Variants in MOB3A observed in about 807,000 individuals in gnomAD.
MOB3A encodes the protein MOB kinase activator 3A, also known as MOB LAK.
A neutral mutation model predicts 17.8 loss-of-function variants in MOB3A; 17 were observed. The observed-to-expected ratio is 0.95, with a 90% CI of 0.65 to 1.43. The LOEUF is 1.43. MOB3A is among the 40% of genes most tolerant of loss of function. The pLI, the probability that MOB3A is intolerant of heterozygous loss-of-function variation, is 0.00. For synonymous variants in MOB3A, 124 were observed against 133.2 expected, an observed-to-expected ratio of 0.93 and a Z score of 0.48; for missense variants, 333 against 310.8, an observed-to-expected ratio of 1.07 and a Z score of -0.54.
In MOB3A at chr19:2,082,842, C is replaced by T. The variant is rs1047556614; in HGVS notation, c.-120+2333G>A. Among the ~76,000 whole-genome samples, 4 of 152,186 alleles carry T rather than the reference C, an allele frequency of 2.6e-5. No homozygotes were observed. Among genetic ancestry groups the T allele is most frequent in the East Asian group, 1.9e-4 (1 of 5,202 alleles). Reference sequence around the variant, plus strand: ...TCTTCCATTTTTAGAGACAGGTTCTCGCTCTGCTGCTCAGGCTAGAGTGCA... The same window carrying T: ...TCTTCCATTTTTAGAGACAGGTTCTTGCTCTGCTGCTCAGGCTAGAGTGCA... On this transcript the variant is annotated intron_variant, in intron 2 of 4. Coordinates refer to ENST00000357066, the MANE Select transcript of MOB3A (RefSeq NM_130807.3). The surrounding 1 kb of genome is among the most constrained non-coding windows in gnomAD (Gnocchi z 4.1).
At chr19:2,096,097 G>A (rs2017688588) in intron 1 of MOB3A, 129 bp downstream of exon 1, 1 of 152,520 alleles carries the variant, frequency 6.6e-6, no homozygotes, top group East Asian at 2.0e-4. Flanking sequence ...CCGTCTGAGG[G>A]ATCCAGCTTC....
At chr19:2,083,456 A>G (rs1309233434) in intron 2 of MOB3A, among the ~76,000 whole-genome samples, 1 of 152,160 alleles carries the variant, frequency 6.6e-6, no homozygotes, top group Non-Finnish European at 1.5e-5. Flanking sequence ...AGAAGGGAAA[A>G]TGCCGGCCAC....
chr19:2,087,992 C>T (rs2017572565), intron 1 of MOB3A, among the ~76,000 whole-genome samples: 1 of 152,194 alleles, frequency 6.6e-6, no homozygotes, highest in Non-Finnish European at 1.5e-5. Flanking sequence ...GCCAGGGGCC[C>T]ACCCCAGTCT....
Position 2,078,492 on chromosome 19 carries a change from C to T in MOB3A, c.69G>A (p.Glu23=), listed in dbSNP as rs10421450. 0.019 allele frequency: 29,761 copies of T among 1,607,304 alleles called. 549 individuals carry two copies. Among genetic ancestry groups the T allele is most frequent in the African/African-American group, 0.082 (6,127 of 74,848 alleles). The change falls in exon 3 of 5, where the codon GAG becomes GAA. Residue 23 remains glutamate (E), a synonymous_variant. Transcript: ENST00000357066. The part of the protein sequence containing the change: ...DKTFRPKRKF[E]PGTQRFELHK... ...GCAGCTCGAAGCGCTGGGTGCCTGG[C>T]TCAAACTTGCGCTTGGGGCGGAATG...
At chr19:2,086,885 G>A (rs536901119) in intron 1 of MOB3A, among the ~76,000 whole-genome samples, 7 of 152,156 alleles carry the variant, frequency 4.6e-5, no homozygotes, top group South Asian at 4.1e-4. Flanking sequence ...TTGACCTCCC[G>A]GGCTCAAGTG....
At position 2,076,722 on chromosome 19, in the gene MOB3A, C is replaced by T. The variant is rs1374757989; in HGVS notation, c.624+89G>A. 2.2e-6 allele frequency: 3 copies of T among 1,372,792 alleles called. No homozygotes were observed. In the East Asian group the frequency reaches 7.4e-5, roughly 34 times the overall value. 85.0% of individuals were successfully genotyped at this position (1,372,792 alleles called of 1,614,324 possible). ...CGCCAGCTGCTGGGCCGACCGCAAG[C>T]AGTCAGGGTCCTGGCCCCGGAAGGG... On this transcript the variant is annotated intron_variant, in intron 4 of 4. Coordinates refer to ENST00000357066, the MANE Select transcript of MOB3A (RefSeq NM_130807.3).
At chr19:2,088,892 G>A (rs111865283) in intron 1 of MOB3A, among the ~76,000 whole-genome samples, 2 of 152,118 alleles carry the variant, frequency 1.3e-5, no homozygotes, top group Admixed American at 6.6e-5. Context: ...CATGAGCCAC[G>A]GAGCCTGGCT....
intron 1 of MOB3A, among the ~76,000 whole-genome samples, chr19:2,088,461 A>T (rs773551534): frequency 2.0e-5 from 3 of 151,410 alleles, no homozygotes; most frequent in Non-Finnish European, 4.4e-5. Flanking sequence ...GCGTCCAGAT[A>T]ATTTTTCTAT....
At chr19:2,078,802 C>T (rs373035600) in intron 2 of MOB3A, 123 bp from the exon 3 acceptor site, 40 of 463,616 alleles carry the variant, frequency 8.6e-5, no homozygotes, top group South Asian at 1.7e-4. Flanking sequence ...TCTGTTGCCC[C>T]GGCTGGAGTA....
intron 1 of MOB3A, among the ~76,000 whole-genome samples, chr19:2,089,530 T>C (rs77313974): frequency 0.012 from 1,866 of 151,736 alleles, 32 homozygotes; most frequent in African/African-American, 0.043. Flanking sequence ...CTTGGCCCAG[T>C]GTCCCCTGGG....
At chr19:2,088,096 A>T (rs1440286686) in intron 1 of MOB3A, among the ~76,000 whole-genome samples, 1 of 152,094 alleles carries the variant, frequency 6.6e-6, no homozygotes, top group Non-Finnish European at 1.5e-5. Flanking sequence ...GGGGACTCAT[A>T]CTGGGTGATG....
intron 4 of MOB3A, among the ~76,000 whole-genome samples, chr19:2,074,463 A>T (rs1379661595): frequency 6.6e-6 from 1 of 152,200 alleles, no homozygotes; most frequent in Non-Finnish European, 1.5e-5. Context: ...TGAGTATGCA[A>T]CTATTAATTT....
intron 2 of MOB3A, among the ~76,000 whole-genome samples, chr19:2,081,686 C>A (rs2017492134): frequency 6.6e-6 from 1 of 151,972 alleles, no homozygotes; most frequent in Non-Finnish European, 1.5e-5. Context: ...GAGTTCAAGA[C>A]CAGCCTGACC....
In MOB3A at chr19:2,091,679, C is replaced by T. The variant is rs184686102; in HGVS notation, c.-274+4547G>A. The stretch of plus-strand genomic sequence containing the variant: ...GATTACAGGCGTGAGCTACTGCGCC[C>T]AGGCTCTAAGACCTTTTTTGTTAAA... On this transcript the variant is annotated intron_variant, in intron 1 of 4. Coordinates refer to ENST00000357066, the MANE Select transcript of MOB3A (RefSeq NM_130807.3). Among the ~76,000 whole-genome samples, 695 of 151,894 alleles carry T rather than the reference C, an allele frequency of 4.6e-3. 2 individuals carry two copies. Among genetic ancestry groups the T allele is most frequent in the Middle Eastern group, 0.017 (5 of 294 alleles).
In MOB3A at chr19:2,078,059, C is replaced by G. The variant is rs927003621; in HGVS notation, c.421+81G>C. The G allele has an allele frequency of 4.3e-6, 6 of 1,381,240 alleles. No homozygotes were observed. In the African/African-American group the frequency reaches 7.3e-5, roughly 17 times the overall value. 85.6% of individuals were successfully genotyped at this position (1,381,240 alleles called of 1,614,324 possible). ...TCGGCCTCCCAAAGCGCTGGCATTACGGGTGTGAGCCACTGTGCTCGGCCT... is the reference window on the plus strand; with the variant it reads ...TCGGCCTCCCAAAGCGCTGGCATTAGGGGTGTGAGCCACTGTGCTCGGCCT... On this transcript the variant is annotated intron_variant, in intron 3 of 4. Coordinates refer to ENST00000357066, the MANE Select transcript of MOB3A (RefSeq NM_130807.3).
chr19:2,090,667 G>A (rs763328138), intron 1 of MOB3A, among the ~76,000 whole-genome samples: 3 of 152,010 alleles, frequency 2.0e-5, no homozygotes, highest in African/African-American at 2.4e-5. Context: ...ATACAAATAC[G>A]TTATTTTTTT....
intron 2 of MOB3A, among the ~76,000 whole-genome samples, chr19:2,081,502 C>G (rs1422734824): frequency 6.6e-6 from 1 of 151,958 alleles, no homozygotes. Context: ...GCAGGAGAAT[C>G]GCTTGAACCC....
At chr19:2,087,818 C>T (rs1025678421) in intron 1 of MOB3A, among the ~76,000 whole-genome samples, 1 of 152,214 alleles carries the variant, frequency 6.6e-6, no homozygotes, top group African/African-American at 2.4e-5. Flanking sequence ...AGCTACCATC[C>T]CAACCCAGGG....
chr19:2,077,173 G>C (rs1050214627), intron 3 of MOB3A, among the ~76,000 whole-genome samples, 160 bp from the exon 4 acceptor site: 1 of 152,202 alleles, frequency 6.6e-6, no homozygotes, highest in Non-Finnish European at 1.5e-5. Flanking sequence ...GGCCGAGGCA[G>C]GCAGATCACT....
Sources: gnomAD v4.1 joint callset for allele counts (sites outside exome capture counted in the v4.1 genomes callset) on GRCh38, gnomAD v4.1.1 for gene constraint, Gnocchi (gnomAD v3.1) non-coding constraint, MANE v1.5 for transcripts, NCBI Gene and HGNC (gene_info 2026-07-23, HGNC 2026-07-21) for gene names.